The following RDX variants were observed in gnomAD, a reference collection of about 807,000 sequenced individuals.
RDX encodes the protein radixin.
RDX carries 32 observed loss-of-function variants against 83.7 expected under a neutral mutation model. The observed-to-expected ratio is 0.38, with a 90% confidence interval of 0.29 to 0.51. RDX has a LOEUF of 0.51. Ranked by LOEUF, RDX falls within the 20% of genes least tolerant of loss-of-function variation. RDX has a pLI of 0.87. For synonymous variants in RDX, 229 were observed against 222.7 expected, an observed-to-expected ratio of 1.03 and a Z score of -0.25; for missense variants, 600 against 689.9, an observed-to-expected ratio of 0.87 and a Z score of 1.46.
At chr11:110,209,555 AC>A (rs1305898081) in intron 14 of RDX, among the ~76,000 whole-genome samples, 1 of 152,132 alleles carries the variant, frequency 6.6e-6, no homozygotes, top group Non-Finnish European at 1.5e-5. Context: ...AAACAAAAAG[AC>A]AGCAGTAACC....
intron 15 of RDX, among the ~76,000 whole-genome samples, chr11:110,194,542 T>C (rs1406559571): frequency 6.6e-6 from 1 of 152,174 alleles, no homozygotes; most frequent in Non-Finnish European, 1.5e-5. Context: ...TTTTCGTTTC[T>C]TGCATTCCCA....
chr11:110,198,490 C>G lies in RDX; in HGVS notation c.*31+1091G>C, dbSNP rs111929231. Among the ~76,000 whole-genome samples the G allele has an allele frequency of 8.7e-4, 133 of 152,298 alleles. 1 individual carries two copies. Among genetic ancestry groups the G allele is most frequent in the African/African-American group, 3.1e-3 (129 of 41,562 alleles). On this transcript the variant is annotated intron_variant, in intron 15 of 15. Transcript: ENST00000528498. The stretch of plus-strand genomic sequence containing the variant: ...GCCTGTTAGGAACTGGGTGGCATAG[C>G]AAAAGCTGAGTGGTGAACAAGCATT...
intron 3 of RDX, among the ~76,000 whole-genome samples, chr11:110,266,572 A>T (rs1301374824): frequency 1.4e-5 from 2 of 145,518 alleles, no homozygotes; most frequent in Non-Finnish European, 3.0e-5. Context: ...GTTTTTGCTT[A>T]TTTTTTTTTT....
At chr11:110,277,994 T>C (rs1203460754) in intron 2 of RDX, among the ~76,000 whole-genome samples, 4 of 152,234 alleles carry the variant, frequency 2.6e-5, no homozygotes, top group Non-Finnish European at 4.4e-5. Flanking sequence ...ACAGTCAATG[T>C]TCATGTTTTT....
rs548705166 is a variant in RDX, at chr11:110,213,184, A to G, written c.1749-13506T>C. On this transcript the variant is annotated intron_variant, in intron 14 of 15. Coordinates refer to the RDX transcript ENST00000528498. ...TAGTACAAAAATCACAAGCATTCTT[A>G]TACACCAACAACAGACAAACAGAGA... Among the ~76,000 whole-genome samples the G allele has an allele frequency of 2.0e-5, 3 of 152,030 alleles. No homozygotes were observed. The South Asian group carries it at 6.2e-4, about 32-fold the overall frequency.
At chr11:110,249,939 T>C (rs1332385107) in intron 9 of RDX, among the ~76,000 whole-genome samples, 1 of 152,196 alleles carries the variant, frequency 6.6e-6, no homozygotes, top group Admixed American at 6.5e-5. Flanking sequence ...ATCTCTGTTC[T>C]GGAGTTCCCT....
At chr11:110,277,151 T>C (rs1189247714) in intron 2 of RDX, among the ~76,000 whole-genome samples, 1 of 152,166 alleles carries the variant, frequency 6.6e-6, no homozygotes, top group African/African-American at 2.4e-5. Flanking sequence ...CAACTGCATA[T>C]AATTTTGACT....
In RDX at chr11:110,279,769, A is replaced by G; in HGVS notation, c.-64-13T>C. On this transcript the variant is annotated splice_polypyrimidine_tract_variant and intron_variant, in intron 1 of 13. Transcript: ENST00000645495. ...CTGTTATCACTTTCTGTTAAAAAAAAAAAAGCATAATCTATTATCTTTTTA... is the reference window on the plus strand; with the variant it reads ...CTGTTATCACTTTCTGTTAAAAAAAGAAAAGCATAATCTATTATCTTTTTA... The G allele has an allele frequency of 1.1e-6, 1 of 881,860 alleles. No homozygotes were observed. Among genetic ancestry groups the G allele is most frequent in the Non-Finnish European group, 1.8e-6 (1 of 542,226 alleles). 54.6% of individuals were successfully genotyped at this position (881,860 alleles called of 1,614,324 possible).
chr11:110,202,097 G>A (rs1211384258), intron 14 of RDX, among the ~76,000 whole-genome samples: 1 of 151,914 alleles, frequency 6.6e-6, no homozygotes, highest in Non-Finnish European at 1.5e-5. Flanking sequence ...ACACTTTAAA[G>A]AATCTATTTA....
chr11:110,238,943 C>A (rs375800006), intron 10 of RDX, among the ~76,000 whole-genome samples: 74 of 132,956 alleles, frequency 5.6e-4, no homozygotes, highest in African/African-American at 8.6e-4. Flanking sequence ...AAAAAAAAAA[C>A]AAAAAAAACA....
rs192833579 is a variant in RDX at position 110,234,316 on chromosome 11, A to C, written c.1345-837T>G. On this transcript the variant is annotated intron_variant, in intron 12 of 13. Transcript: ENST00000645495. ...CCTTCAATAAATCAAAATAATAAAA[A>C]GAGAAACTGCCCTCCATTAAAAGAG... Among the ~76,000 whole-genome samples the C allele has an allele frequency of 9.1e-4, 138 of 152,342 alleles. 1 individual carries two copies. The highest frequency in any genetic ancestry group is 3.1e-3 in the African/African-American group (127 of 41,582).
chr11:110,263,432 T>C (rs1859881120), intron 5 of RDX: 1 of 152,230 alleles, frequency 6.6e-6, no homozygotes, highest in South Asian at 2.1e-4. Context: ...ATTTATTGCT[T>C]ACCCTATGGG....
chr11:110,197,777 T>C (rs1399336670), intron 15 of RDX, among the ~76,000 whole-genome samples: 1 of 152,258 alleles, frequency 6.6e-6, no homozygotes, highest in Non-Finnish European at 1.5e-5. Context: ...CGGCAATCTA[T>C]GGCACATTAA....
chr11:110,209,117 G>T (rs150056040), intron 14 of RDX, among the ~76,000 whole-genome samples: 97 of 152,326 alleles, frequency 6.4e-4, no homozygotes, highest in African/African-American at 2.2e-3. Flanking sequence ...GTGGGCACAG[G>T]TCAGTGGATG....
At chr11:110,176,087 T>C (rs1203533434) in intron 15 of RDX, among the ~76,000 whole-genome samples, 2 of 137,610 alleles carry the variant, frequency 1.5e-5, no homozygotes, top group African/African-American at 5.4e-5. Flanking sequence ...TTTCTTTTTT[T>C]CTTTTTTTTT....
intron 11 of RDX, among the ~76,000 whole-genome samples, chr11:110,237,211 G>A (rs575839435): frequency 6.1e-4 from 92 of 151,404 alleles, no homozygotes; most frequent in African/African-American, 2.1e-3. Context: ...ACTTATTACC[G>A]AACCTGTCCA....
chr11:110,250,516 CAACT>C (rs1859286878), intron 9 of RDX, among the ~76,000 whole-genome samples: 1 of 152,138 alleles, frequency 6.6e-6, no homozygotes, highest in Non-Finnish European at 1.5e-5. Context: ...CATATTCCAC[CAACT>C]AAGAGCCTTT....
intron 14 of RDX, among the ~76,000 whole-genome samples, chr11:110,210,654 T>G (rs1565293067): frequency 2.0e-5 from 3 of 150,984 alleles, no homozygotes; most frequent in African/African-American, 7.3e-5. Context: ...GCAGAAACCC[T>G]ACAAGCCAGA....
At chr11:110,223,914 A>C (rs1480241963) in intron 14 of RDX, among the ~76,000 whole-genome samples, 2 of 152,142 alleles carry the variant, frequency 1.3e-5, no homozygotes, top group Non-Finnish European at 2.9e-5. Context: ...CTCTACTAAT[A>C]GAAAAATCAG....
Sources: gnomAD v4.1 joint callset for allele counts (sites outside exome capture counted in the v4.1 genomes callset) on GRCh38, gnomAD v4.1.1 for gene constraint, MANE v1.5 for transcripts, NCBI Gene and HGNC (gene_info 2026-07-23, HGNC 2026-07-21) for gene names.